Variants in TACR1 observed in about 807,000 individuals in gnomAD.
The protein encoded by TACR1 is substance-P receptor.
A neutral mutation model predicts 35.8 loss-of-function variants in TACR1; 25 were observed. The observed-to-expected ratio is 0.70, with a 90% confidence interval of 0.51 to 0.98. TACR1 has a LOEUF of 0.98. Ranked by LOEUF, TACR1 falls within the 50% of genes least tolerant of loss-of-function variation. The probability of loss-of-function intolerance (pLI) is 0.00; values close to 1 mark genes in which losing one functional copy is unlikely to be tolerated. For synonymous variants in TACR1, 195 were observed against 206.7 expected (o/e 0.94, Z 0.48); for missense variants, 478 against 522.9 (o/e 0.91, Z 0.84).
At chr2:75,056,794 CAA>C (rs374826168) in intron 2 of TACR1, among the ~76,000 whole-genome samples, 1 of 151,728 alleles carries the variant, frequency 6.6e-6, no homozygotes, top group Admixed American at 6.6e-5. Flanking sequence ...TTGAAAACAA[CAA>C]AAAAAATGGG....
chr2:75,118,191 G>T (rs944886478), intron 2 of TACR1, among the ~76,000 whole-genome samples: 7 of 152,110 alleles, frequency 4.6e-5, no homozygotes, highest in Non-Finnish European at 2.9e-5. Flanking sequence ...GTTTAGACAT[G>T]GTAAAATTGA....
At chr2:75,188,844 T>C (rs866378517) in intron 1 of TACR1, 1 of 152,310 alleles carries the variant, frequency 6.6e-6, no homozygotes. Flanking sequence ...GTTGGAACCA[T>C]ACTAAGAGCC....
chr2:75,097,883 T>G (rs1472315662), intron 2 of TACR1, among the ~76,000 whole-genome samples: 1 of 152,210 alleles, frequency 6.6e-6, no homozygotes, highest in Non-Finnish European at 1.5e-5. Flanking sequence ...TGGTAACACT[T>G]GGCTCTTTGA....
At chr2:75,159,470 G>A (rs1033218423) in intron 1 of TACR1, among the ~76,000 whole-genome samples, 2 of 152,056 alleles carry the variant, frequency 1.3e-5, no homozygotes, top group Non-Finnish European at 2.9e-5. Context: ...TGGAAACTCC[G>A]AGAATTCCTC....
intron 1 of TACR1, among the ~76,000 whole-genome samples, chr2:75,160,043 GCAAAA>G: frequency 6.6e-6 from 1 of 152,126 alleles, no homozygotes; most frequent in Non-Finnish European, 1.5e-5. Flanking sequence ...CTTTAAGACA[GCAAAA>G]GATGGGCTGG....
At chr2:75,182,642 CA>C (rs1675586490) in intron 1 of TACR1, among the ~76,000 whole-genome samples, 1 of 152,168 alleles carries the variant, frequency 6.6e-6, no homozygotes, top group Non-Finnish European at 1.5e-5. Context: ...TTTGGATAGA[CA>C]AAAACTTACC....
intron 2 of TACR1, among the ~76,000 whole-genome samples, chr2:75,068,495 G>A (rs1264380890): frequency 1.3e-5 from 2 of 152,166 alleles, no homozygotes; most frequent in African/African-American, 2.4e-5. Flanking sequence ...AAAACCCAGG[G>A]CATGATTTGG....
chr2:75,176,133 A>C (rs935413018), intron 1 of TACR1, among the ~76,000 whole-genome samples: 1 of 151,674 alleles, frequency 6.6e-6, no homozygotes, highest in Non-Finnish European at 1.5e-5. Context: ...TTCATCCTCT[A>C]TCCTAATGTT....
At position 75,049,583 on chromosome 2, in the gene TACR1, A is replaced by T; in HGVS notation, c.1073T>A (p.Ile358Asn). ...CTCGTGGGCCCCCACCACTGTGGAGATGGTGGTCTCCAGGCGGCTGACTTT... is the reference window on the plus strand; with the variant it reads ...CTCGTGGGCCCCCACCACTGTGGAGTTGGTGGTCTCCAGGCGGCTGACTTT... ...VYKVSRLETT[I>N]STVVGAHEEE... The change falls in exon 5 of 5, where the codon ATC becomes AAC. Residue 358 changes from isoleucine (I) to asparagine (N), a missense_variant. Physicochemically the swap from Ile to Asn is moderately radical, Grantham distance 149. Coordinates refer to ENST00000305249, the MANE Select transcript of TACR1 (RefSeq NM_001058.4). 6.2e-7 allele frequency: 1 copy of T among 1,614,034 alleles called. No homozygotes were observed. Among genetic ancestry groups the T allele is most frequent in the South Asian group, 1.1e-5 (1 of 91,080 alleles).
chr2:75,138,154 C>T (rs968961838), intron 1 of TACR1, among the ~76,000 whole-genome samples: 7 of 152,176 alleles, frequency 4.6e-5, no homozygotes, highest in African/African-American at 9.7e-5. Flanking sequence ...GGACCCCCAC[C>T]CATCAGTTCT....
chr2:75,154,011 A>G (rs1427410288), intron 1 of TACR1, among the ~76,000 whole-genome samples: 1 of 152,066 alleles, frequency 6.6e-6, no homozygotes, highest in Admixed American at 6.5e-5. Context: ...GCCTCACTAT[A>G]GGAGTTCAGT....
chr2:75,131,820 C>T (rs1447283797), intron 1 of TACR1, among the ~76,000 whole-genome samples: 2 of 152,142 alleles, frequency 1.3e-5, no homozygotes, highest in Non-Finnish European at 2.9e-5. Context: ...ACCTAAGTAA[C>T]AGTACCAAAC....
At position 75,198,925 on chromosome 2, in the gene TACR1, C is replaced by T. The variant is rs1676064202; in HGVS notation, c.10G>A (p.Val4Ile). ...GAGAGGTCTGAGTCCACCGGGAGGA[C>T]GTTATCCATTTCGAAGCTAGGCGGT... is the stretch of plus-strand genomic sequence containing the variant. MDN[V>I]LPVDSDLSPN... is the part of the protein sequence containing the mutation. The change falls in exon 1 of 5, where the codon GTC becomes ATC. Residue 4 changes from valine to isoleucine, a missense_variant. Val to Ile is a conservative substitution (Grantham distance 29). Coordinates refer to ENST00000305249, the MANE Select transcript of TACR1 (RefSeq NM_001058.4). 4.3e-6 allele frequency: 7 copies of T among 1,612,924 alleles called. No individual in the cohort carries two copies. The highest frequency in any genetic ancestry group is 4.0e-5 in the African/African-American group (3 of 74,888).
chr2:75,114,057 G>A (rs1219227395), intron 2 of TACR1, among the ~76,000 whole-genome samples: 1 of 152,084 alleles, frequency 6.6e-6, no homozygotes. Context: ...AATGACGATG[G>A]CATATTTTTG....
intron 2 of TACR1, among the ~76,000 whole-genome samples, chr2:75,097,426 A>G (rs115249523): frequency 1.0e-3 from 156 of 152,080 alleles, no homozygotes; most frequent in Non-Finnish European, 2.0e-3. Flanking sequence ...CTGTTCTGTA[A>G]AGTACATAAG....
chr2:75,145,351 T>G (rs1157426965), intron 1 of TACR1, among the ~76,000 whole-genome samples: 4 of 152,180 alleles, frequency 2.6e-5, no homozygotes, highest in Admixed American at 2.0e-4. Flanking sequence ...ACCATTATTA[T>G]TAGTAGTAAC....
chr2:75,115,699 G>A (rs1367982645), intron 2 of TACR1, among the ~76,000 whole-genome samples: 1 of 152,074 alleles, frequency 6.6e-6, no homozygotes, highest in Non-Finnish European at 1.5e-5. Context: ...GAGGTCAGGA[G>A]ATCGAGACCA....
At position 75,048,594 on chromosome 2, in the gene TACR1, AAAAC is replaced by A. The variant is rs943577187; in HGVS notation, c.*834_*837del. The A allele has an allele frequency of 1.3e-5, 2 of 151,786 alleles. No individual in the cohort carries two copies. Among genetic ancestry groups the A allele is most frequent in the African/African-American group, 2.4e-5 (1 of 41,302 alleles). The allele number at this position is 151,786 out of a possible 1,614,324, so 9.4% of individuals were successfully genotyped here. A position where few individuals can be genotyped will look rare whatever the true frequency, so the allele number is the denominator to read the frequency against. On this transcript the variant is annotated 3_prime_UTR_variant, in exon 5 of 5. Coordinates refer to ENST00000305249, the MANE Select transcript of TACR1 (RefSeq NM_001058.4). ...TATTCTTCGTTTTGTTTTTTTTTGT[AAAAC>A]AAACAAAAAACTCATACAATCCTTG...
At chr2:75,175,172 G>C (rs1344409830) in intron 1 of TACR1, among the ~76,000 whole-genome samples, 1 of 152,180 alleles carries the variant, frequency 6.6e-6, no homozygotes, top group Non-Finnish European at 1.5e-5. Flanking sequence ...TGTGGGAAGT[G>C]TGTTTTGTCA....
Sources: allele counts gnomAD v4.1 joint callset (sites outside exome capture counted in the v4.1 genomes callset), GRCh38; gene constraint gnomAD v4.1.1; transcripts MANE v1.5; gene names NCBI Gene and HGNC (gene_info 2026-07-23, HGNC 2026-07-21).